The following DGKI variants were observed in gnomAD, a reference collection of about 807,000 sequenced individuals.
DGKI encodes diacylglycerol kinase iota, also known as DAG kinase iota.
A neutral mutation model predicts 147.5 loss-of-function variants in DGKI; 55 were observed. The observed-to-expected ratio is 0.37, with a 90% CI of 0.30 to 0.47. The LOEUF (loss-of-function observed/expected upper bound fraction) is 0.47. DGKI is among the 20% of genes least tolerant of loss of function. The pLI is 1.00. For missense variants in DGKI, 1,007 were observed against 1,323.8 expected, an observed-to-expected ratio of 0.76 and a Z score of 3.71; for synonymous variants, 469 against 477.1, an observed-to-expected ratio of 0.98 and a Z score of 0.22.
intron 6 of DGKI, among the ~76,000 whole-genome samples, chr7:137,626,799 C>T (rs1820959969): frequency 6.6e-6 from 1 of 152,140 alleles, no homozygotes; most frequent in African/African-American, 2.4e-5. Context: ...TCTAACTTGT[C>T]CCTCCACTGA....
At chr7:137,454,952 G>A (rs1292651878) in intron 27 of DGKI, 1 of 152,052 alleles carries the variant, frequency 6.6e-6, no homozygotes, top group Non-Finnish European at 1.5e-5. Context: ...TCACATGAGA[G>A]CCACGTTTAG....
rs572450216 is a variant in DGKI at position 137,695,877 on chromosome 7, A to AATGGTTATG, written c.402-5884_402-5876dup. 2.0e-5 allele frequency among the ~76,000 whole-genome samples: 3 copies of AATGGTTATG among 152,296 alleles called. No individual in the cohort carries two copies. In the South Asian group the frequency reaches 6.2e-4, roughly 32 times the overall value. ...AAGCACACACCTTACCTTACCAATTAATGGTTATGTAGTCAGATAGCTTGA... is the reference window on the plus strand; with the variant it reads ...AAGCACACACCTTACCTTACCAATTAATGGTTATGATGGTTATGTAGTCAGATAGCTTGA... On this transcript the variant is annotated intron_variant, in intron 1 of 32. Coordinates refer to ENST00000614521, the MANE Select transcript of DGKI (RefSeq NM_001321708.2).
intron 28 of DGKI, among the ~76,000 whole-genome samples, chr7:137,437,963 T>C (rs1813344456): frequency 6.6e-6 from 1 of 152,078 alleles, no homozygotes. Flanking sequence ...TTATCAAATA[T>C]TAAAGAAAGC....
At chr7:137,779,725 G>C (rs772149155) in intron 1 of DGKI, among the ~76,000 whole-genome samples, 11 of 152,110 alleles carry the variant, frequency 7.2e-5, no homozygotes, top group Non-Finnish European at 1.0e-4. Flanking sequence ...GACTAAGACA[G>C]TTTATAAGTT....
chr7:137,560,854 AT>A (rs1255616580), intron 19 of DGKI, among the ~76,000 whole-genome samples: 1 of 152,296 alleles, frequency 6.6e-6, no homozygotes, highest in South Asian at 2.1e-4. Flanking sequence ...CTACAAACCC[AT>A]TTTAGACTTC....
chr7:137,470,487 T>C (rs896201905), intron 23 of DGKI, among the ~76,000 whole-genome samples: 57 of 152,224 alleles, frequency 3.7e-4, no homozygotes, highest in African/African-American at 1.3e-3. Context: ...ATTCTTCTGC[T>C]CTCAATAGTT....
In DGKI at chr7:137,786,677, G is replaced by GA. The variant is rs57873912; in HGVS notation, c.401+59784dup. ...CATAGCCAAAGCAAGACTAAGCAAA[G>GA]AAAAAAAAAAAAAATCTGGAGGCAT... On this transcript the variant is annotated intron_variant, in intron 1 of 32. Coordinates refer to ENST00000614521, the MANE Select transcript of DGKI (RefSeq NM_001321708.2). Among the ~76,000 whole-genome samples, 1,124 of 140,818 alleles carry GA rather than the reference G, an allele frequency of 8.0e-3. 12 individuals carry two copies. The highest frequency in any genetic ancestry group is 0.029 in the African/African-American group (1,050 of 36,834). The allele number at this position is 140,818 out of a possible 152,430, so 92.4% of individuals were successfully genotyped here.
chr7:137,808,969 C>G (rs774451032), intron 1 of DGKI, among the ~76,000 whole-genome samples: 22 of 152,120 alleles, frequency 1.4e-4, no homozygotes, highest in Non-Finnish European at 2.9e-4. Flanking sequence ...CCACACCCCC[C>G]CAGGAATGTG....
At chr7:137,825,769 C>T (rs971201637) in intron 1 of DGKI, among the ~76,000 whole-genome samples, 3 of 152,048 alleles carry the variant, frequency 2.0e-5, no homozygotes, top group Non-Finnish European at 2.9e-5. Flanking sequence ...CATGGATGGA[C>T]GGTGACACAG....
Position 137,472,351 on chromosome 7 carries a change from T to A in DGKI, c.2374-2732A>T, listed in dbSNP as rs1185266601. On this transcript the variant is annotated intron_variant, in intron 23 of 32. Coordinates refer to ENST00000614521, the MANE Select transcript of DGKI (RefSeq NM_001321708.2). ...TATGTATATATACATATAATTATTA[T>A]ATGTATATATACATATAATTATTAT... is the stretch of plus-strand genomic sequence containing the variant. Among the ~76,000 whole-genome samples, 965 of 113,658 alleles carry A rather than the reference T, an allele frequency of 8.5e-3. 171 individuals are homozygous for A. The highest frequency in any genetic ancestry group is 0.043 in the African/African-American group (909 of 20,928). 74.6% of individuals were successfully genotyped at this position (113,658 alleles called of 152,430 possible).
intron 1 of DGKI, among the ~76,000 whole-genome samples, chr7:137,827,705 G>T (rs1431632931): frequency 6.6e-6 from 1 of 152,234 alleles, no homozygotes; most frequent in African/African-American, 2.4e-5. Context: ...GCACGGAATA[G>T]ATACAACTTC....
At chr7:137,746,730 T>C (rs1319435052) in intron 1 of DGKI, among the ~76,000 whole-genome samples, 1 of 83,248 alleles carries the variant, frequency 1.2e-5, no homozygotes, top group East Asian at 3.3e-4. Flanking sequence ...AGATCTGAGG[T>C]TGTGAGTCCA....
intron 6 of DGKI, among the ~76,000 whole-genome samples, chr7:137,644,475 G>A (rs1389148182): frequency 6.6e-6 from 1 of 152,070 alleles, no homozygotes; most frequent in African/African-American, 2.4e-5. Context: ...TTTTTTCCAA[G>A]TCTCCCTCCC....
At chr7:137,437,202 G>A (rs1813319666) in intron 28 of DGKI, among the ~76,000 whole-genome samples, 1 of 152,112 alleles carries the variant, frequency 6.6e-6, no homozygotes. Context: ...GATTGGAAAG[G>A]ACGAAACAAA....
At chr7:137,538,226 T>C (rs541204532) in intron 20 of DGKI, among the ~76,000 whole-genome samples, 1 of 152,284 alleles carries the variant, frequency 6.6e-6, no homozygotes, top group South Asian at 2.1e-4. Flanking sequence ...GGTAGTTTTA[T>C]AAAAATAAAA....
chr7:137,642,974 G>GTGT (rs1821690197), intron 6 of DGKI, among the ~76,000 whole-genome samples: 2 of 148,494 alleles, frequency 1.3e-5, no homozygotes, highest in Non-Finnish European at 1.5e-5. Flanking sequence ...GTGTGTGTAT[G>GTGT]GGGGATGGAG....
chr7:137,641,242 A>G (rs7796970), intron 6 of DGKI, among the ~76,000 whole-genome samples: 26,761 of 152,120 alleles, frequency 0.18, 7,133 homozygotes, highest in African/African-American at 0.58. Context: ...GGAACTGTAA[A>G]TCCAATAAAC....
chr7:137,761,936 G>C (rs1301997322), intron 1 of DGKI, among the ~76,000 whole-genome samples: 1 of 152,166 alleles, frequency 6.6e-6, no homozygotes, highest in Non-Finnish European at 1.5e-5. Context: ...CCTGAAAACT[G>C]GTGCCGTCAA....
intron 1 of DGKI, among the ~76,000 whole-genome samples, chr7:137,773,361 A>G (rs912136866): frequency 6.6e-6 from 1 of 152,218 alleles, no homozygotes; most frequent in Non-Finnish European, 1.5e-5. Flanking sequence ...CCAAGAAGAT[A>G]CTATCAGGCG....
Sources: gnomAD v4.1 joint callset for allele counts (sites outside exome capture counted in the v4.1 genomes callset) on GRCh38, gnomAD v4.1.1 for gene constraint, MANE v1.5 for transcripts, NCBI Gene and HGNC (gene_info 2026-07-23, HGNC 2026-07-21) for gene names.